The following SLC25A21 variants were observed in gnomAD, a reference collection of about 807,000 sequenced individuals.
SLC25A21 encodes the protein solute carrier family 25 member 21, also known as mitochondrial 2-oxodicarboxylate carrier.
SLC25A21 carries 47 observed loss-of-function variants against 43.8 expected under a neutral mutation model. That is an observed-to-expected ratio of 1.07 (90% CI 0.85 to 1.37). The LOEUF is 1.37. Ranked by LOEUF, SLC25A21 falls within the 40% of genes most tolerant of loss-of-function variation. The probability of loss-of-function intolerance (pLI) is 0.00; values close to 1 mark genes in which losing one functional copy is unlikely to be tolerated. For synonymous variants in SLC25A21, 131 were observed against 121.3 expected (o/e 1.08, Z -0.52); for missense variants, 352 against 350.2 (o/e 1.00, Z -0.04).
chr14:37,140,436 T>C (rs1009900170), intron 1 of SLC25A21, among the ~76,000 whole-genome samples: 12 of 152,198 alleles, frequency 7.9e-5, no homozygotes, highest in Non-Finnish European at 1.2e-4. Flanking sequence ...CCAAAAACTT[T>C]TGCCTGGCTC....
At chr14:37,112,495 T>C (rs1594798995) in intron 1 of SLC25A21, among the ~76,000 whole-genome samples, 1 of 152,220 alleles carries the variant, frequency 6.6e-6, no homozygotes, top group Non-Finnish European at 1.5e-5. Context: ...TGTTCCTTCC[T>C]TGTAATAATA....
intron 1 of SLC25A21, among the ~76,000 whole-genome samples, chr14:37,153,619 C>G (rs949770421): frequency 6.6e-6 from 1 of 152,186 alleles, no homozygotes; most frequent in African/African-American, 2.4e-5. Context: ...ACCCACTGGC[C>G]CAGGCTGTTG....
intron 1 of SLC25A21, among the ~76,000 whole-genome samples, chr14:36,972,051 T>C (rs1331971786): frequency 6.6e-6 from 1 of 152,226 alleles, no homozygotes; most frequent in Non-Finnish European, 1.5e-5. Context: ...TGTATGATAA[T>C]GGTCCCGTAA....
At chr14:36,857,786 G>A (rs1889943916) in intron 2 of SLC25A21, among the ~76,000 whole-genome samples, 1 of 152,208 alleles carries the variant, frequency 6.6e-6, no homozygotes. Flanking sequence ...ATCATTTGCT[G>A]GGCTGAGGCC....
intron 1 of SLC25A21, among the ~76,000 whole-genome samples, chr14:36,919,625 AT>A: frequency 8.8e-6 from 1 of 113,146 alleles, no homozygotes; most frequent in African/African-American, 3.8e-5. Flanking sequence ...CTATCTACCT[AT>A]CTATCTATCT....
At chr14:36,830,966 G>A (rs1889019689) in intron 2 of SLC25A21, among the ~76,000 whole-genome samples, 1 of 152,202 alleles carries the variant, frequency 6.6e-6, no homozygotes, top group Non-Finnish European at 1.5e-5. Context: ...GGAAATAAGT[G>A]TGTTTAGAGA....
At chr14:36,712,104 G>A (rs1293796882) in intron 6 of SLC25A21, among the ~76,000 whole-genome samples, 1 of 152,162 alleles carries the variant, frequency 6.6e-6, no homozygotes, top group African/African-American at 2.4e-5. Flanking sequence ...TTACCACCTT[G>A]AAATTACTCC....
intron 1 of SLC25A21, among the ~76,000 whole-genome samples, chr14:36,932,632 C>T (rs561572924): frequency 1.3e-5 from 2 of 152,104 alleles, no homozygotes; most frequent in Non-Finnish European, 2.9e-5. Flanking sequence ...TACATCATCT[C>T]ATAAAGTAAT....
chr14:37,023,846 T>TA (rs1357899800), intron 1 of SLC25A21, among the ~76,000 whole-genome samples: 2 of 152,070 alleles, frequency 1.3e-5, no homozygotes, highest in Non-Finnish European at 2.9e-5. Context: ...CACTTTCTAT[T>TA]ACAGTGGTTG....
intron 1 of SLC25A21, among the ~76,000 whole-genome samples, chr14:36,985,173 T>C (rs1424313859): frequency 8.1e-6 from 1 of 123,108 alleles, no homozygotes; most frequent in Non-Finnish European, 1.7e-5. Context: ...CTGGGGACTG[T>C]TGTGGGATGG....
At chr14:36,774,589 T>A (rs942590787) in intron 3 of SLC25A21, among the ~76,000 whole-genome samples, 1 of 151,956 alleles carries the variant, frequency 6.6e-6, no homozygotes, top group African/African-American at 2.4e-5. Context: ...TTTTTTTTTT[T>A]AAGACAGGGT....
intron 1 of SLC25A21, among the ~76,000 whole-genome samples, chr14:37,057,093 T>C (rs891431197): frequency 6.6e-6 from 1 of 152,240 alleles, no homozygotes; most frequent in Admixed American, 6.5e-5. Context: ...TTAACCTTTA[T>C]ATCTAAAGGA....
chr14:37,111,355 A>C (rs1006827382), intron 1 of SLC25A21, among the ~76,000 whole-genome samples: 2 of 152,090 alleles, frequency 1.3e-5, no homozygotes, highest in Non-Finnish European at 2.9e-5. Flanking sequence ...GTGATTATGG[A>C]TGGATGACAA....
At chr14:37,097,305 T>G (rs551411492) in intron 1 of SLC25A21, 69 of 152,196 alleles carry the variant, frequency 4.5e-4, no homozygotes, top group African/African-American at 1.6e-3. Context: ...TTCGCCATGT[T>G]ACCCAAGCTG....
chr14:36,738,532 G>A (rs964449420), intron 3 of SLC25A21, among the ~76,000 whole-genome samples: 5 of 152,200 alleles, frequency 3.3e-5, no homozygotes, highest in African/African-American at 9.6e-5. Flanking sequence ...TGAATGGATC[G>A]TGGGATTCTA....
chr14:36,849,274 G>A (rs1889646962), intron 2 of SLC25A21, among the ~76,000 whole-genome samples: 1 of 151,944 alleles, frequency 6.6e-6, no homozygotes, highest in African/African-American at 2.4e-5. Flanking sequence ...TTCCCCTTTC[G>A]CTTGATACGA....
At chr14:36,910,620 A>G (rs1345745511) in intron 1 of SLC25A21, among the ~76,000 whole-genome samples, 1 of 152,156 alleles carries the variant, frequency 6.6e-6, no homozygotes, top group African/African-American at 2.4e-5. Context: ...CTTTGAGGTT[A>G]TTACCTGGGG....
intron 1 of SLC25A21, among the ~76,000 whole-genome samples, chr14:36,913,595 G>A (rs747616997): frequency 6.6e-6 from 1 of 152,174 alleles, no homozygotes; most frequent in Non-Finnish European, 1.5e-5. Flanking sequence ...GGATAAGAAC[G>A]AGTTGTTTGA....
intron 2 of SLC25A21, among the ~76,000 whole-genome samples, chr14:36,833,125 G>C (rs979549790): frequency 7.9e-5 from 12 of 152,186 alleles, no homozygotes; most frequent in African/African-American, 2.9e-4. Flanking sequence ...TTAAAAATCA[G>C]AGGTAATGAG....
Sources: gnomAD v4.1 joint callset for allele counts (sites outside exome capture counted in the v4.1 genomes callset) on GRCh38, gnomAD v4.1.1 for gene constraint, MANE v1.5 for transcripts, NCBI Gene and HGNC (gene_info 2026-07-23, HGNC 2026-07-21) for gene names.